Variants in UQCC1 observed in about 807,000 individuals in gnomAD.
UQCC1 encodes bFGF-repressed Zic-binding protein.
A neutral mutation model predicts 48.0 loss-of-function variants in UQCC1; 38 were observed. That is an observed-to-expected ratio of 0.79 (90% CI 0.61 to 1.04). The LOEUF (loss-of-function observed/expected upper bound fraction) is 1.04, where lower values mean the gene tolerates loss of function less well. Ranked by LOEUF, UQCC1 falls within the 50% of genes least tolerant of loss-of-function variation. The pLI, the probability that UQCC1 is intolerant of heterozygous loss-of-function variation, is 0.00. For synonymous variants in UQCC1, 111 were observed against 129.2 expected, an observed-to-expected ratio of 0.86 and a Z score of 0.95; for missense variants, 368 against 381.8, an observed-to-expected ratio of 0.96 and a Z score of 0.30.
rs376364130 is a variant in UQCC1 at position 35,382,400 on chromosome 20, C to T, written c.226-375G>A. On this transcript the variant is annotated intron_variant, in intron 3 of 9. Coordinates refer to ENST00000374385, the MANE Select transcript of UQCC1 (RefSeq NM_018244.5). The stretch of plus-strand genomic sequence containing the variant: ...AAGCAATCTTCCTGCTTCAGCCTCC[C>T]CAAATGCTGGGATTACAGGTGTGAG... Among the ~76,000 whole-genome samples the T allele has an allele frequency of 1.4e-4, 22 of 152,222 alleles. No individual in the cohort carries two copies. The East Asian group carries it at 4.2e-3, about 29-fold the overall frequency.
In UQCC1 at chr20:35,326,512, G is replaced by A. The variant is rs187018710; in HGVS notation, c.574-11747C>T. The stretch of plus-strand genomic sequence containing the variant: ...CAAGATGTGTATTTAGTTTGAGCCC[G>A]GCAGGCGTCTCCAGTGGAGCACAGG... On this transcript the variant is annotated intron_variant, in intron 7 of 9. Transcript: ENST00000374385. Among the ~76,000 whole-genome samples the A allele has an allele frequency of 5.0e-4, 76 of 152,248 alleles. 1 individual carries two copies. Among genetic ancestry groups the A allele is most frequent in the Non-Finnish European group, 9.4e-4 (64 of 68,016 alleles).
chr20:35,341,349 G>T (rs1016359292), intron 7 of UQCC1, among the ~76,000 whole-genome samples: 16 of 152,070 alleles, frequency 1.1e-4, no homozygotes, highest in Non-Finnish European at 2.1e-4. Context: ...AAAAGGAACT[G>T]AACAGTTGAT....
intron 1 of UQCC1, among the ~76,000 whole-genome samples, chr20:35,402,580 A>AAAACAAAC (rs201662360): frequency 7.0e-6 from 1 of 142,062 alleles, no homozygotes; most frequent in African/African-American, 2.6e-5. Context: ...TCCATCTCAA[A>AAAACAAAC]AAACAAACAA....
intron 7 of UQCC1, among the ~76,000 whole-genome samples, chr20:35,338,360 T>A (rs1375880672): frequency 6.6e-6 from 1 of 152,174 alleles, no homozygotes; most frequent in African/African-American, 2.4e-5. Flanking sequence ...AGAAAAGGTT[T>A]CTTTCTTTCA....
At chr20:35,326,397 A>C (rs1053966858) in intron 7 of UQCC1, among the ~76,000 whole-genome samples, 7 of 152,212 alleles carry the variant, frequency 4.6e-5, no homozygotes, top group African/African-American at 1.7e-4. Context: ...GCAGACAACC[A>C]GTCTTGTATG....
At chr20:35,392,633 T>C (rs544503521) in intron 2 of UQCC1, among the ~76,000 whole-genome samples, 118 of 152,132 alleles carry the variant, frequency 7.8e-4, no homozygotes, top group Non-Finnish European at 1.5e-3. Context: ...CTACCCAAAG[T>C]AGACGCCTCT....
At chr20:35,407,426 A>C (rs2062268477) in intron 1 of UQCC1, among the ~76,000 whole-genome samples, 1 of 142,888 alleles carries the variant, frequency 7.0e-6, no homozygotes, top group Non-Finnish European at 1.5e-5. Context: ...AGACCCTGTC[A>C]AAAAAAAAAG....
intron 7 of UQCC1, among the ~76,000 whole-genome samples, chr20:35,322,081 T>G (rs2061137459): frequency 6.6e-6 from 1 of 152,196 alleles, no homozygotes; most frequent in South Asian, 2.1e-4. Context: ...GGCATTTGAA[T>G]AAGGGGAACA....
At chr20:35,408,630 T>C (rs6087703) in intron 1 of UQCC1, among the ~76,000 whole-genome samples, 79,294 of 151,262 alleles carry the variant, frequency 0.52, 22,407 homozygotes, top group East Asian at 0.72. Flanking sequence ...AGACAATGGA[T>C]TGCTTGAGCC....
chr20:35,321,899 G>A (rs562985457), intron 7 of UQCC1, among the ~76,000 whole-genome samples: 1 of 152,134 alleles, frequency 6.6e-6, no homozygotes, highest in South Asian at 2.1e-4. Flanking sequence ...TTGGAAAATA[G>A]CCAAGAGAGA....
chr20:35,340,125 A>T (rs2061361161), intron 7 of UQCC1, among the ~76,000 whole-genome samples: 1 of 152,166 alleles, frequency 6.6e-6, no homozygotes, highest in Non-Finnish European at 1.5e-5. Flanking sequence ...GCAGTAACGC[A>T]GAGTCCGATG....
At chr20:35,344,694 T>G (rs1051915785) in intron 7 of UQCC1, 3 of 152,360 alleles carry the variant, frequency 2.0e-5, no homozygotes, top group Non-Finnish European at 4.4e-5. Context: ...TCTGGGCAGC[T>G]GTGATATTGT....
intron 2 of UQCC1, among the ~76,000 whole-genome samples, chr20:35,393,690 C>T (rs2062039678): frequency 6.6e-6 from 1 of 151,710 alleles, no homozygotes; most frequent in Non-Finnish European, 1.5e-5. Context: ...ATTAGGTGGT[C>T]AATGGTAAAT....
chr20:35,382,659 A>G (rs2378353), intron 3 of UQCC1, among the ~76,000 whole-genome samples: 109,738 of 150,348 alleles, frequency 0.73, 40,304 homozygotes, highest in East Asian at 0.89. Context: ...ACAGGCACCC[A>G]CCACCACGCC....
At chr20:35,393,948 A>T in intron 2 of UQCC1, 144 bp downstream of exon 2, 1 of 670,722 alleles carries the variant, frequency 1.5e-6, no homozygotes. Context: ...TTTAGGAATC[A>T]GTCCTAAGTT....
intron 5 of UQCC1, among the ~76,000 whole-genome samples, chr20:35,368,881 C>A (rs1333193271): frequency 6.6e-6 from 1 of 152,176 alleles, no homozygotes; most frequent in Non-Finnish European, 1.5e-5. Flanking sequence ...AAGACACATG[C>A]CATCTGAGAA....
chr20:35,314,855 C>G (rs1350295515), intron 7 of UQCC1, 90 bp from the exon 8 acceptor site: 1 of 990,192 alleles, frequency 1.0e-6, no homozygotes, highest in Non-Finnish European at 1.5e-6. Flanking sequence ...CTGTCACAGA[C>G]TCTTAGTAGA....
rs76444578 is a variant in UQCC1, at chr20:35,347,495, C to T, written c.465-223G>A. The stretch of plus-strand genomic sequence containing the variant: ...GATAAATTTTTATGTATTATACATA[C>T]ACCCACACAAGCACCACCCAGATCG... On this transcript the variant is annotated intron_variant, in intron 6 of 9. Transcript: ENST00000374385. 4.5e-4 allele frequency among the ~76,000 whole-genome samples: 68 copies of T among 151,920 alleles called. 1 individual carries two copies. In the East Asian group the frequency reaches 0.013, roughly 28 times the overall value.
chr20:35,384,662 AAGAG>A (rs1555813298), intron 2 of UQCC1: 2 of 403,980 alleles, frequency 5.0e-6, no homozygotes, highest in South Asian at 4.1e-5. Context: ...AAAAAAAAAA[AAGAG>A]AGAGAGAGAG....
Sources: allele counts gnomAD v4.1 joint callset (sites outside exome capture counted in the v4.1 genomes callset), GRCh38; gene constraint gnomAD v4.1.1; transcripts MANE v1.5; gene names NCBI Gene and HGNC (gene_info 2026-07-23, HGNC 2026-07-21).